Variants in XKR7 observed in about 807,000 individuals in gnomAD.
The protein encoded by XKR7 is XK related 7, also known as XK-related protein 7.
A neutral mutation model predicts 42.2 loss-of-function variants in XKR7; 11 were observed. The ratio of observed to expected loss-of-function variants is 0.26; its 90% CI spans 0.16 to 0.43. The LOEUF is 0.43. Ranked by LOEUF, XKR7 falls within the 20% of genes least tolerant of loss-of-function variation. The pLI is 1.00. For missense variants in XKR7, 710 were observed against 802.2 expected, an observed-to-expected ratio of 0.89 and a Z score of 1.39; for synonymous variants, 346 against 366.4, an observed-to-expected ratio of 0.94 and a Z score of 0.64.
intron 1 of XKR7, among the ~76,000 whole-genome samples, chr20:31,975,931 C>T (rs1439356473): frequency 7.2e-5 from 11 of 152,154 alleles, no homozygotes; most frequent in Admixed American, 1.3e-4. Context: ...GTAGAGACTG[C>T]GAGGATGAAG....
At position 31,995,301 on chromosome 20, in the gene XKR7, G is replaced by A. The variant is rs1458363864; in HGVS notation, c.787+31G>A. The A allele has an allele frequency of 6.5e-7, 1 of 1,532,294 alleles. No individual in the cohort carries two copies. Among genetic ancestry groups the A allele is most frequent in the Admixed American group, 2.0e-5 (1 of 50,722 alleles). 94.9% of individuals were successfully genotyped at this position (1,532,294 alleles called of 1,614,324 possible). On this transcript the variant is annotated intron_variant, in intron 2 of 2. Transcript: ENST00000562532. The surrounding 1 kb of genome is among the most constrained non-coding windows in gnomAD (Gnocchi z 4.1). ...CCCGCCCCTTCACCCTCTGCGCCTG[G>A]GACCACCCCACCGGGCCTTTCTCCC... is the stretch of plus-strand genomic sequence containing the variant.
intron 1 of XKR7, chr20:31,970,696 T>C (rs374634257): frequency 2.6e-4 from 39 of 152,326 alleles, no homozygotes; most frequent in African/African-American, 8.9e-4. Flanking sequence ...TGTAACAATT[T>C]AGAAAGAGTC....
chr20:31,993,113 C>T (rs1160510257), intron 1 of XKR7, among the ~76,000 whole-genome samples: 2 of 150,646 alleles, frequency 1.3e-5, no homozygotes, highest in Non-Finnish European at 3.0e-5. Flanking sequence ...CACACACACA[C>T]ACATACACAT....
chr20:31,969,435 C>A (rs1007957061), intron 1 of XKR7, among the ~76,000 whole-genome samples: 1 of 152,174 alleles, frequency 6.6e-6, no homozygotes, highest in African/African-American at 2.4e-5. Flanking sequence ...CACTGGCTGC[C>A]CTTTAATCCC....
chr20:31,984,687 T>C (rs1157806897), intron 1 of XKR7, among the ~76,000 whole-genome samples: 1 of 152,202 alleles, frequency 6.6e-6, no homozygotes, highest in Admixed American at 6.5e-5. Context: ...AAGTGAAACC[T>C]GAGGTCCATT....
At chr20:31,986,502 T>C (rs1205137195) in intron 1 of XKR7, among the ~76,000 whole-genome samples, 6 of 60,270 alleles carry the variant, frequency 1.0e-4, no homozygotes, top group Admixed American at 4.0e-4. Context: ...ACAGATCCAG[T>C]ATCCAAGGCA....
At position 31,968,511 on chromosome 20, in the gene XKR7, C is replaced by G. The variant is rs1463481740; in HGVS notation, c.336C>G (p.Phe112Leu). Residue 112 changes from phenylalanine to leucine, a missense_variant, in exon 1 of 3, where the codon TTC becomes TTG. Transcript: ENST00000562532. The surrounding 1 kb of genome is among the most constrained non-coding windows in gnomAD (Gnocchi z 4.5). ...LVVQLLSFRW[F>L]VYDYSEPAGS... is the part of the protein sequence containing the mutation. ...TGCAGTTACTGAGCTTCCGCTGGTT[C>G]GTCTACGACTACTCGGAGCCCGCAG... The G allele has an allele frequency of 6.2e-7, 1 of 1,612,462 alleles. No individual in the cohort carries two copies. The highest frequency in any genetic ancestry group is 2.2e-5 in the East Asian group (1 of 44,794).
At position 31,987,504 on chromosome 20, in the gene XKR7, T is replaced by A. The variant is rs6061072; in HGVS notation, c.585-7564T>A. ...GACAGTCCACCAAGTAGACCCAGCA[T>A]CCAAGACACAGACAGACAGACCACC... On this transcript the variant is annotated intron_variant, in intron 1 of 2. Transcript: ENST00000562532. 3.9e-3 allele frequency among the ~76,000 whole-genome samples: 505 copies of A among 128,684 alleles called. 3 individuals carry two copies. The highest frequency in any genetic ancestry group is 0.015 in the African/African-American group (490 of 32,294). The allele number at this position is 128,684 out of a possible 152,430, so 84.4% of individuals were successfully genotyped here. A position where few individuals can be genotyped will look rare whatever the true frequency, so the allele number is the denominator to read the frequency against.
chr20:31,992,294 T>G (rs926127238), intron 1 of XKR7, among the ~76,000 whole-genome samples: 7 of 152,232 alleles, frequency 4.6e-5, no homozygotes, highest in African/African-American at 1.7e-4. Flanking sequence ...AGAATCCACC[T>G]GCTACATGAA....
At position 31,969,776 on chromosome 20, in the gene XKR7, A is replaced by G. The variant is rs528503224; in HGVS notation, c.584+1017A>G. Among the ~76,000 whole-genome samples, 4 of 152,332 alleles carry G rather than the reference A, an allele frequency of 2.6e-5. No individual in the cohort carries two copies. In the East Asian group the frequency reaches 7.7e-4, roughly 29 times the overall value. ...TCTTACCTGTTGGGATGGTCAGGTGAGAGGTCTGCATGAGGGCCCTGCAGA... is the reference window on the plus strand; with the variant it reads ...TCTTACCTGTTGGGATGGTCAGGTGGGAGGTCTGCATGAGGGCCCTGCAGA... On this transcript the variant is annotated intron_variant, in intron 1 of 2. Transcript: ENST00000562532.
At chr20:31,986,460 T>C (rs1201475883) in intron 1 of XKR7, among the ~76,000 whole-genome samples, 1 of 99,734 alleles carries the variant, frequency 1.0e-5, no homozygotes, top group Non-Finnish European at 2.0e-5. Flanking sequence ...ACACCCAGCA[T>C]CCAAGACACA....
intron 1 of XKR7, among the ~76,000 whole-genome samples, chr20:31,974,237 C>G (rs1179810318): frequency 6.6e-6 from 1 of 152,052 alleles, no homozygotes; most frequent in African/African-American, 2.4e-5. Context: ...TGGAGGGAGG[C>G]AGAGTAAGCC....
rs2064443329 is a variant in XKR7 at position 31,968,215 on chromosome 20, C to T, written c.40C>T (p.Pro14Ser). The change falls in exon 1 of 3, where the codon CCG (proline) becomes TCG (serine). Residue 14 changes from proline (P) to serine (S), a missense_variant. Pro to Ser is a moderately conservative substitution (Grantham distance 74). This residue lies in a region of XKR7 where 708 missense variants were observed against 786.2 expected (regional missense o/e 0.90). Coordinates refer to ENST00000562532, the MANE Select transcript of XKR7 (RefSeq NM_001011718.2). This position sits in a 1 kb window ranked among gnomAD's most constrained non-coding sequence, Gnocchi z 4.5. ...GGATGGAGCGGCGGCCTCGGCCAGC[C>T]CGGACCCGGAGGGGGCTGCCGGTGG... Reference protein sequence around the residue: ...KSDGAAASASPDPEGAAGGAR... With the variant: ...KSDGAAASASSDPEGAAGGAR... 4.3e-6 allele frequency: 5 copies of T among 1,165,692 alleles called. No individual in the cohort carries two copies. The highest frequency in any genetic ancestry group is 1.6e-5 in the African/African-American group (1 of 61,894). 72.2% of individuals were successfully genotyped at this position (1,165,692 alleles called of 1,614,324 possible). A position where few individuals can be genotyped will look rare whatever the true frequency, so the allele number is the denominator to read the frequency against.
rs1405937514 is a variant in XKR7 at position 31,995,002 on chromosome 20, G to C, written c.585-66G>C. ...TGCCCCCTGCGCCTGTGGGCGGCTC[G>C]GGGCTGGTGCGACAGAGCGAGAGGA... On this transcript the variant is annotated intron_variant, in intron 1 of 2. Coordinates refer to ENST00000562532, the MANE Select transcript of XKR7 (RefSeq NM_001011718.2). This position sits in a 1 kb window ranked among gnomAD's most constrained non-coding sequence, Gnocchi z 4.1. 1 of 1,527,602 alleles carries C rather than the reference G, an allele frequency of 6.5e-7. No homozygotes were observed. Among genetic ancestry groups the C allele is most frequent in the East Asian group, 2.5e-5 (1 of 40,316 alleles). The allele number at this position is 1,527,602 out of a possible 1,614,324, so 94.6% of individuals were successfully genotyped here. A position where few individuals can be genotyped will look rare whatever the true frequency, so the allele number is the denominator to read the frequency against.
intron 1 of XKR7, among the ~76,000 whole-genome samples, chr20:31,987,826 C>G (rs560045422): frequency 6.6e-6 from 1 of 152,230 alleles, no homozygotes; most frequent in Non-Finnish European, 1.5e-5. Flanking sequence ...CCCAGGATCA[C>G]AGGGTCAGAC....
In XKR7 at chr20:31,995,016, A is replaced by G; in HGVS notation, c.585-52A>G. On this transcript the variant is annotated intron_variant, in intron 1 of 2. Coordinates refer to ENST00000562532, the MANE Select transcript of XKR7 (RefSeq NM_001011718.2). The surrounding 1 kb of genome is among the most constrained non-coding windows in gnomAD (Gnocchi z 4.1). The stretch of plus-strand genomic sequence containing the variant: ...GTGGGCGGCTCGGGGCTGGTGCGAC[A>G]GAGCGAGAGGAACCAGCGCGCGGGA... The G allele has an allele frequency of 2.0e-6, 3 of 1,536,232 alleles. No homozygotes were observed. Among genetic ancestry groups the G allele is most frequent in the African/African-American group, 1.4e-5 (1 of 72,350 alleles).
Position 31,997,395 on chromosome 20 carries a change from C to T in XKR7, c.1678C>T (p.Arg560Trp), listed in dbSNP as rs768509161. The T allele has an allele frequency of 1.3e-5, 21 of 1,599,852 alleles. No homozygotes were observed. The highest frequency in any genetic ancestry group is 8.3e-5 in the Admixed American group (5 of 60,008). Residue 560 changes from arginine to tryptophan, a missense_variant, in exon 3 of 3, where the codon CGG becomes TGG. Arg to Trp is a moderately radical substitution (Grantham distance 101). This residue lies in a region of XKR7 where 708 missense variants were observed against 786.2 expected (regional missense o/e 0.90). Transcript: ENST00000562532. ...ALEYSSPATP[R>W]LQYRSVGTSQ... Reference sequence around the variant, plus strand: ...GGAGTACTCCTCACCTGCCACGCCCCGGTTGCAGTACCGGAGTGTGGGGAC... The same window carrying T: ...GGAGTACTCCTCACCTGCCACGCCCTGGTTGCAGTACCGGAGTGTGGGGAC...
At chr20:31,982,519 C>CAAAAAA (rs558720693) in intron 1 of XKR7, among the ~76,000 whole-genome samples, 1 of 63,104 alleles carries the variant, frequency 1.6e-5, no homozygotes, top group African/African-American at 4.7e-5. Flanking sequence ...GACTCTGTCT[C>CAAAAAA]AAAAAAAAAA....
At chr20:31,972,897 C>T (rs1202939644) in intron 1 of XKR7, among the ~76,000 whole-genome samples, 3 of 152,188 alleles carry the variant, frequency 2.0e-5, no homozygotes, top group African/African-American at 7.2e-5. Flanking sequence ...TCTGGATTTC[C>T]CCTCTGGGAA....
Sources: gnomAD v4.1 joint callset for allele counts (sites outside exome capture counted in the v4.1 genomes callset) on GRCh38, gnomAD v4.1.1 for gene constraint, gnomAD v4.1.1 regional missense constraint, Gnocchi (gnomAD v3.1) non-coding constraint, MANE v1.5 for transcripts, NCBI Gene and HGNC (gene_info 2026-07-23, HGNC 2026-07-21) for gene names.